PADI6: variants seen among roughly 807,000 people sequenced by gnomAD.
PADI6 encodes peptidyl arginine deiminase 6, also known as inactive protein-arginine deiminase type-6.
Under a neutral mutation model 78.2 loss-of-function variants are expected in PADI6, and 66 were observed. The ratio of observed to expected loss-of-function variants is 0.84; its 90% CI spans 0.69 to 1.04. The LOEUF is 1.04. Ranked by LOEUF, PADI6 falls within the 50% of genes least tolerant of loss-of-function variation. PADI6 has a pLI of 0.00. For synonymous variants in PADI6, 397 were observed against 346.9 expected (o/e 1.14, Z -1.60); for missense variants, 854 against 866.1 (o/e 0.99, Z 0.18).
intron 7 of PADI6, 74 bp downstream of exon 7, chr1:17,388,633 C>A: frequency 6.7e-7 from 1 of 1,486,938 alleles, no homozygotes; most frequent in Non-Finnish European, 9.1e-7. Flanking sequence ...CACAGTTGGG[C>A]AGAGCTTGAG....
chr1:17,394,718 T>C (rs1454354060), intron 11 of PADI6, among the ~76,000 whole-genome samples: 1 of 152,212 alleles, frequency 6.6e-6, no homozygotes, highest in African/African-American at 2.4e-5. Context: ...GATTTCTTGG[T>C]GGCCATAAAT....
intron 6 of PADI6, among the ~76,000 whole-genome samples, chr1:17,387,621 G>GT (rs2075134822): frequency 6.6e-6 from 1 of 152,170 alleles, no homozygotes; most frequent in Non-Finnish European, 1.5e-5. Context: ...GCGTGTGGTG[G>GT]TAGGTGCCTG....
In PADI6 at chr1:17,373,113, C is replaced by A. The variant is rs550051571; in HGVS notation, c.174C>A (p.Ile58=). 1 of 1,613,990 alleles carries A rather than the reference C, an allele frequency of 6.2e-7. No homozygotes were observed. Among genetic ancestry groups the A allele is most frequent in the African/African-American group, 1.3e-5 (1 of 75,058 alleles). ...TCCATGGCTCTGGGAGGGTCTTGAT[C>A]GATGTGGCCAACACGGTGATTTCTG... ...FTIHGSGRVL[I]DVANTVISEK... Residue 58 remains isoleucine (I), a synonymous_variant, in exon 2 of 16, where the codon ATC becomes ATA. Coordinates refer to ENST00000619609, the MANE Select transcript of PADI6 (RefSeq NM_207421.4).
chr1:17,397,813 C>T (rs1212388118), intron 14 of PADI6, among the ~76,000 whole-genome samples: 1 of 152,122 alleles, frequency 6.6e-6, no homozygotes, highest in Non-Finnish European at 1.5e-5. Context: ...ATGTGTTGCT[C>T]ATTATACTCA....
chr1:17,374,587 C>T (rs1193993370), intron 2 of PADI6, among the ~76,000 whole-genome samples: 1 of 152,084 alleles, frequency 6.6e-6, no homozygotes, highest in African/African-American at 2.4e-5. Context: ...GATTGTCCCA[C>T]TGCATTACAG....
In PADI6 at chr1:17,379,827, C is replaced by T. The variant is rs2075054999; in HGVS notation, c.368-93C>T. ...CCAGAAAGGCTAGATGCCCTGATGC[C>T]AGCCTTGGGCAGCCCCACAGGAGAT... On this transcript the variant is annotated intron_variant, in intron 3 of 15. Coordinates refer to ENST00000619609, the MANE Select transcript of PADI6 (RefSeq NM_207421.4). The T allele has an allele frequency of 1.5e-5, 17 of 1,103,560 alleles. No homozygotes were observed. The East Asian group carries it at 3.4e-4, about 22-fold the overall frequency. The allele number at this position is 1,103,560 out of a possible 1,614,324, so 68.4% of individuals were successfully genotyped here. A position where few individuals can be genotyped will look rare whatever the true frequency, so the allele number is the denominator to read the frequency against.
rs749396125 is a variant in PADI6, at chr1:17,372,254, C to A, written c.9C>A (p.Ser3Arg). Reference sequence around the variant, plus strand: ...GCGGTGCAGGCCTGAGGATGGTCAGCGTGGAGGGCCGAGCCATGTCCTTCC... The same window carrying A: ...GCGGTGCAGGCCTGAGGATGGTCAGAGTGGAGGGCCGAGCCATGTCCTTCC... MVSVEGRAMSFQS... is the reference protein window; with the variant it reads MVRVEGRAMSFQS... The change falls in exon 1 of 16, where the codon AGC becomes AGA. Residue 3 changes from serine to arginine, a missense_variant. By Grantham distance (110) the Ser-to-Arg change is moderately radical. Coordinates refer to ENST00000619609, the MANE Select transcript of PADI6 (RefSeq NM_207421.4). The A allele has an allele frequency of 2.3e-5, 37 of 1,613,842 alleles. No individual in the cohort carries two copies. The highest frequency in any genetic ancestry group is 3.0e-5 in the Non-Finnish European group (35 of 1,179,764).
chr1:17,394,498 A>T (rs369233143), intron 11 of PADI6, 44 bp downstream of exon 11: 4 of 1,588,784 alleles, frequency 2.5e-6, no homozygotes, highest in Admixed American at 3.4e-5. Context: ...GGAAGGGACC[A>T]TGGTCGTTCC....
intron 3 of PADI6, among the ~76,000 whole-genome samples, chr1:17,375,798 C>G (rs1264555396): frequency 6.6e-6 from 1 of 151,666 alleles, no homozygotes; most frequent in East Asian, 1.9e-4. Context: ...TAGTGCCTAC[C>G]TTCTTCCTTT....
chr1:17,372,590 A>AT (rs2074972925), intron 1 of PADI6, among the ~76,000 whole-genome samples: 3 of 152,110 alleles, frequency 2.0e-5, no homozygotes, highest in Non-Finnish European at 4.4e-5. Flanking sequence ...TTAGTGAGGC[A>AT]AGGGCCTTGG....
At chr1:17,397,045 G>A in intron 13 of PADI6, 26 bp from the exon 14 acceptor site, 1 of 1,611,290 alleles carries the variant, frequency 6.2e-7, no homozygotes, top group African/African-American at 1.3e-5. Context: ...CTGACCAGCA[G>A]GCCTGCTGCC....
At chr1:17,387,409 C>T (rs989368709) in intron 6 of PADI6, among the ~76,000 whole-genome samples, 13 of 151,398 alleles carry the variant, frequency 8.6e-5, no homozygotes, top group Admixed American at 4.0e-4. Flanking sequence ...AGTGCCGCTA[C>T]ACTCTAGCCT....
rs1557606154 is a variant in PADI6, at chr1:17,392,283, C to G, written c.1074+58C>G. 50 of 1,290,324 alleles carry G rather than the reference C, an allele frequency of 3.9e-5. 1 individual carries two copies. In the South Asian group the frequency reaches 5.9e-4, roughly 15 times the overall value. 79.9% of individuals were successfully genotyped at this position (1,290,324 alleles called of 1,614,324 possible). A position where few individuals can be genotyped will look rare whatever the true frequency, so the allele number is the denominator to read the frequency against. ...GAGGGGTGGGGAGACTCAGCATGTGCCACCTAAGAGGAACTTCACAGGCTT... is the reference window on the plus strand; with the variant it reads ...GAGGGGTGGGGAGACTCAGCATGTGGCACCTAAGAGGAACTTCACAGGCTT... On this transcript the variant is annotated intron_variant, in intron 9 of 15. Coordinates refer to ENST00000619609, the MANE Select transcript of PADI6 (RefSeq NM_207421.4).
chr1:17,388,758 G>T lies in PADI6; in HGVS notation c.859-19G>T. On this transcript the variant is annotated intron_variant, in intron 7 of 15. Transcript: ENST00000619609. ...TAAATGTGGAAGCAGGTTGCTAACA[G>T]GACCTTGTCTTGTTGCAGTCAATTC... is the stretch of plus-strand genomic sequence containing the variant. 2.5e-6 allele frequency: 4 copies of T among 1,604,810 alleles called. No individual in the cohort carries two copies. The highest frequency in any genetic ancestry group is 1.7e-4 in the Middle Eastern group (1 of 6,002).
At position 17,386,182 on chromosome 1, in the gene PADI6, A is replaced by G. The variant is rs949390391; in HGVS notation, c.680-2199A>G. ...GGTCGCAGGGCTTCTGGCCTCCCCC[A>G]TGCTTCTGTTTAATGGGGACAACAA... On this transcript the variant is annotated intron_variant, in intron 6 of 15. Transcript: ENST00000619609. Among the ~76,000 whole-genome samples the G allele has an allele frequency of 3.9e-5, 6 of 152,078 alleles. No homozygotes were observed. In the East Asian group the frequency reaches 1.2e-3, roughly 29 times the overall value.
At chr1:17,394,244 G>A (rs2100320569) in intron 10 of PADI6, 56 bp from the exon 11 acceptor site, 2 of 1,594,862 alleles carry the variant, frequency 1.3e-6, no homozygotes, top group Non-Finnish European at 1.7e-6. Flanking sequence ...GGATAAGACT[G>A]GGGCCTAAAG....
At chr1:17,384,056 A>AG (rs1570132749) in intron 6 of PADI6, among the ~76,000 whole-genome samples, 1 of 151,986 alleles carries the variant, frequency 6.6e-6, no homozygotes, top group East Asian at 1.9e-4. Flanking sequence ...AGACCAAGGC[A>AG]GGAGTGAACC....
At chr1:17,390,772 CAAAA>C (rs1222997826) in intron 8 of PADI6, among the ~76,000 whole-genome samples, 2 of 152,074 alleles carry the variant, frequency 1.3e-5, no homozygotes, top group African/African-American at 2.4e-5. Context: ...ATGGCAGATA[CAAAA>C]GACATAAAGC....
At chr1:17,395,202 T>TTTTTTTTTG in intron 12 of PADI6, 95 bp downstream of exon 12, 4 of 567,448 alleles carry the variant, frequency 7.0e-6, no homozygotes, top group Non-Finnish European at 9.8e-6. Context: ...TTTTCTTGTT[T>TTTTTTTTTG]TTTTTTTTTT....
Sources: allele counts gnomAD v4.1 joint callset (sites outside exome capture counted in the v4.1 genomes callset), GRCh38; gene constraint gnomAD v4.1.1; transcripts MANE v1.5; gene names NCBI Gene and HGNC (gene_info 2026-07-23, HGNC 2026-07-21).